The following ELAPOR2 variants were observed in gnomAD, a reference collection of about 807,000 sequenced individuals.
ELAPOR2 encodes the protein endosome/lysosome-associated apoptosis and autophagy regulator family member 2.
ELAPOR2 carries 89 observed loss-of-function variants against 120.7 expected under a neutral mutation model. The observed-to-expected ratio is 0.74, with a 90% confidence interval of 0.62 to 0.88. The LOEUF (loss-of-function observed/expected upper bound fraction) is 0.88. Among genes scored for constraint, ELAPOR2 ranks in the 40% least tolerant of loss-of-function variants. The pLI is 0.00. For synonymous variants in ELAPOR2, 444 were observed against 444.9 expected (o/e 1.00, Z 0.03); for missense variants, 1,134 against 1,251.6 (o/e 0.91, Z 1.42).
chr7:86,889,551 T>C (rs1221499666), intron 21 of ELAPOR2, among the ~76,000 whole-genome samples: 1 of 151,726 alleles, frequency 6.6e-6, no homozygotes, highest in Non-Finnish European at 1.5e-5. Flanking sequence ...ATATGCTAGA[T>C]AAAGGGATGA....
At chr7:87,057,775 A>G (rs1316973553) in intron 1 of ELAPOR2, among the ~76,000 whole-genome samples, 1 of 152,214 alleles carries the variant, frequency 6.6e-6, no homozygotes, top group Non-Finnish European at 1.5e-5. Context: ...CATCACTTCT[A>G]TTGACCCTGA....
At chr7:86,938,239 G>C (rs1316345446) in intron 7 of ELAPOR2, 25 bp from the exon 8 acceptor site, 2 of 1,509,812 alleles carry the variant, frequency 1.3e-6, no homozygotes, top group African/African-American at 2.8e-5. Context: ...AAGCGTTTCA[G>C]AAATGGGTCA....
intron 1 of ELAPOR2, among the ~76,000 whole-genome samples, chr7:86,968,988 T>C (rs1463280016): frequency 6.6e-6 from 1 of 152,132 alleles, no homozygotes; most frequent in Non-Finnish European, 1.5e-5. Context: ...TGTAAATATA[T>C]GGAAACCAGG....
chr7:86,950,415 T>C (rs1791196267), intron 2 of ELAPOR2, among the ~76,000 whole-genome samples: 1 of 152,132 alleles, frequency 6.6e-6, no homozygotes, highest in African/African-American at 2.4e-5. Flanking sequence ...ATACCAGACC[T>C]GGAAGCTCCC....
At chr7:86,979,884 C>A (rs996945280) in intron 1 of ELAPOR2, among the ~76,000 whole-genome samples, 1 of 152,096 alleles carries the variant, frequency 6.6e-6, no homozygotes, top group East Asian at 1.9e-4. Flanking sequence ...TCTGGTTGGG[C>A]CAGTAAAGCC....
At chr7:87,051,030 GA>G (rs1292222875) in intron 1 of ELAPOR2, among the ~76,000 whole-genome samples, 1 of 152,210 alleles carries the variant, frequency 6.6e-6, no homozygotes, top group African/African-American at 2.4e-5. Context: ...TACAAGTGGT[GA>G]CACCAAGGCT....
intron 10 of ELAPOR2, among the ~76,000 whole-genome samples, chr7:86,920,213 T>A (rs1168331121): frequency 6.6e-6 from 1 of 152,150 alleles, no homozygotes; most frequent in Non-Finnish European, 1.5e-5. Context: ...GTCAAGCTAG[T>A]CTTAAAAATA....
At chr7:87,028,923 A>T (rs1438247783) in intron 1 of ELAPOR2, among the ~76,000 whole-genome samples, 1 of 152,198 alleles carries the variant, frequency 6.6e-6, no homozygotes, top group African/African-American at 2.4e-5. Context: ...CTTAAAGTGC[A>T]TGATCATTTT....
chr7:86,894,810 T>C (rs911408794), intron 19 of ELAPOR2, among the ~76,000 whole-genome samples: 1 of 152,006 alleles, frequency 6.6e-6, no homozygotes, highest in African/African-American at 2.4e-5. Flanking sequence ...TTTAAGACAG[T>C]CCCCTTAGTG....
chr7:86,884,107 C>A lies in ELAPOR2; in HGVS notation c.3031-3577G>T, dbSNP rs539070694. Among the ~76,000 whole-genome samples, 4 of 152,232 alleles carry A rather than the reference C, an allele frequency of 2.6e-5. No individual in the cohort carries two copies. In the East Asian group the frequency reaches 7.7e-4, roughly 29 times the overall value. On this transcript the variant is annotated intron_variant, in intron 21 of 21. Transcript: ENST00000450689. Reference sequence around the variant, plus strand: ...GTATGATTCTTTCAACTTTTCTGTACTATTTCAAAATTTCATTTTTAAAGT... The same window carrying A: ...GTATGATTCTTTCAACTTTTCTGTAATATTTCAAAATTTCATTTTTAAAGT...
intron 2 of ELAPOR2, among the ~76,000 whole-genome samples, chr7:86,961,252 C>T (rs1791695009): frequency 6.6e-6 from 1 of 152,066 alleles, no homozygotes; most frequent in South Asian, 2.1e-4. Context: ...TAATCATCTT[C>T]ATTTAGAAAG....
chr7:86,938,923 T>C lies in ELAPOR2; in HGVS notation c.885A>G (p.Pro295=), dbSNP rs753024972. Residue 295 remains proline, a synonymous_variant, in exon 7 of 22, where the codon CCA becomes CCG. Transcript: ENST00000450689. ...AYTSECFPCK[P]GTFSNKPGSF... Reference sequence around the variant, plus strand: ...AACCTGGTTTGTTGCTGAATGTGCCTGGCTTGCAAGGAAAACATTCTGATG... The same window carrying C: ...AACCTGGTTTGTTGCTGAATGTGCCCGGCTTGCAAGGAAAACATTCTGATG... 4.3e-6 allele frequency: 7 copies of C among 1,613,140 alleles called. No homozygotes were observed. In the Admixed American group the frequency reaches 1.0e-4, roughly 23 times the overall value.
intron 19 of ELAPOR2, among the ~76,000 whole-genome samples, chr7:86,896,086 G>A (rs373939990): frequency 8.7e-4 from 132 of 152,130 alleles, no homozygotes; most frequent in African/African-American, 3.0e-3. Context: ...AGCCATCTAC[G>A]AGGATACACA....
chr7:87,041,645 C>A (rs925726634), intron 1 of ELAPOR2, among the ~76,000 whole-genome samples: 6 of 151,852 alleles, frequency 4.0e-5, no homozygotes, highest in Admixed American at 1.3e-4. Context: ...TGGTACCAGC[C>A]GCTGCAAAAT....
intron 21 of ELAPOR2, among the ~76,000 whole-genome samples, chr7:86,889,417 T>A (rs1007168140): frequency 4.7e-5 from 7 of 150,092 alleles, no homozygotes; most frequent in African/African-American, 1.7e-4. Context: ...CCCCCCCAGC[T>A]CCAGTGGATG....
chr7:86,924,345 G>T (rs1789961021), intron 10 of ELAPOR2, among the ~76,000 whole-genome samples: 1 of 149,842 alleles, frequency 6.7e-6, no homozygotes, highest in Non-Finnish European at 1.5e-5. Context: ...TCCAATTAAA[G>T]TTTCAGGTAA....
chr7:86,882,593 G>A (rs531823191), intron 21 of ELAPOR2, among the ~76,000 whole-genome samples: 1 of 152,232 alleles, frequency 6.6e-6, no homozygotes, highest in Admixed American at 6.5e-5. Context: ...GGTAGGTAGT[G>A]CCACTAACTG....
chr7:86,920,426 G>C (rs745873602), intron 10 of ELAPOR2, among the ~76,000 whole-genome samples: 11 of 152,156 alleles, frequency 7.2e-5, no homozygotes, highest in Non-Finnish European at 1.6e-4. Context: ...ACTTCCAGTA[G>C]GGATAAAAAG....
intron 14 of ELAPOR2, among the ~76,000 whole-genome samples, 193 bp from the exon 15 acceptor site, chr7:86,912,438 G>A (rs1789358967): frequency 1.3e-5 from 2 of 152,108 alleles, no homozygotes; most frequent in Admixed American, 6.5e-5. Context: ...AGAAAATTCA[G>A]AATCTTTTAA....
Sources: allele counts gnomAD v4.1 joint callset (sites outside exome capture counted in the v4.1 genomes callset), GRCh38; gene constraint gnomAD v4.1.1; transcripts MANE v1.5; gene names NCBI Gene and HGNC (gene_info 2026-07-23, HGNC 2026-07-21).